UIMC1: variants seen among roughly 807,000 people sequenced by gnomAD.
UIMC1 encodes the protein BRCA1-A complex subunit RAP80.
Under a neutral mutation model 84.9 loss-of-function variants are expected in UIMC1, and 42 were observed. The observed-to-expected ratio is 0.49, with a 90% confidence interval of 0.39 to 0.64. The LOEUF is 0.64. Among genes scored for constraint, UIMC1 ranks in the 30% least tolerant of loss-of-function variants. The probability of loss-of-function intolerance (pLI) is 0.00; values close to 1 mark genes in which losing one functional copy is unlikely to be tolerated. For missense variants in UIMC1, 825 were observed against 847.6 expected (o/e 0.97, Z 0.33); for synonymous variants, 281 against 293.0 (o/e 0.96, Z 0.42).
chr5:176,907,912 A>C (rs1759605500), intron 12 of UIMC1, among the ~76,000 whole-genome samples: 1 of 152,250 alleles, frequency 6.6e-6, no homozygotes. Flanking sequence ...AGACTGATTA[A>C]TGTTTTAAAT....
chr5:176,976,999 G>A (rs1770181197), intron 2 of UIMC1, among the ~76,000 whole-genome samples: 1 of 152,080 alleles, frequency 6.6e-6, no homozygotes, highest in Non-Finnish European at 1.5e-5. Flanking sequence ...CAAGCAGGCG[G>A]ATCACCTGAG....
At chr5:176,934,471 C>T (rs1352368847) in intron 10 of UIMC1, among the ~76,000 whole-genome samples, 4 of 152,092 alleles carry the variant, frequency 2.6e-5, no homozygotes, top group African/African-American at 4.8e-5. Context: ...ATCTTGAAAC[C>T]GTGAATCAAG....
intron 2 of UIMC1, among the ~76,000 whole-genome samples, chr5:176,977,954 A>C (rs1222121081): frequency 6.6e-6 from 1 of 151,968 alleles, no homozygotes; most frequent in African/African-American, 2.4e-5. Flanking sequence ...CAAAACAAAA[A>C]CAAAAAACAA....
At chr5:177,000,371 ATTACG>A (rs1398557117) in intron 1 of UIMC1, among the ~76,000 whole-genome samples, 1 of 151,960 alleles carries the variant, frequency 6.6e-6, no homozygotes, top group African/African-American at 2.4e-5. Flanking sequence ...AGCATTTCCT[ATTACG>A]TGTTTTTGGA....
At chr5:176,980,624 CTGTT>C (rs1040129236) in intron 2 of UIMC1, among the ~76,000 whole-genome samples, 6 of 151,856 alleles carry the variant, frequency 4.0e-5, no homozygotes, top group African/African-American at 1.5e-4. Context: ...TCTTTCTAAA[CTGTT>C]ATGTTATGGC....
intron 1 of UIMC1, among the ~76,000 whole-genome samples, chr5:176,993,594 T>A (rs1773186104): frequency 6.6e-6 from 1 of 152,156 alleles, no homozygotes; most frequent in Non-Finnish European, 1.5e-5. Flanking sequence ...ACTTAAAGAC[T>A]TAAAGTCTAA....
intron 1 of UIMC1, among the ~76,000 whole-genome samples, chr5:176,996,411 G>GGT (rs1465817758): frequency 6.6e-6 from 1 of 152,116 alleles, no homozygotes; most frequent in Non-Finnish European, 1.5e-5. Flanking sequence ...GTCACTGAGT[G>GGT]GTGTTAAGTC....
rs1760601799 is a variant in UIMC1, at chr5:176,913,962, G to C, written c.1598-2573C>G. ...ACTGCACTCTAGCCTAGGTGACAGA[G>C]CTAGATCGTCTCAAAAAATTAATAC... On this transcript the variant is annotated intron_variant, in intron 10 of 14. Coordinates refer to ENST00000511320, the MANE Select transcript of UIMC1 (RefSeq NM_001199298.2). Among the ~76,000 whole-genome samples, 4 of 152,068 alleles carry C rather than the reference G, an allele frequency of 2.6e-5. No homozygotes were observed. In the South Asian group the frequency reaches 8.3e-4, roughly 31 times the overall value.
chr5:176,990,839 A>C (rs1170740926), intron 1 of UIMC1, among the ~76,000 whole-genome samples: 2 of 150,742 alleles, frequency 1.3e-5, no homozygotes, highest in South Asian at 4.2e-4. Context: ...ACACTCAGCT[A>C]ATTTTTTTTT....
intron 10 of UIMC1, among the ~76,000 whole-genome samples, chr5:176,926,528 T>C (rs1355897051): frequency 6.6e-6 from 1 of 151,962 alleles, no homozygotes; most frequent in Non-Finnish European, 1.5e-5. Flanking sequence ...TCCTAGCTAC[T>C]AGGGAGGCTG....
intron 1 of UIMC1, among the ~76,000 whole-genome samples, chr5:177,000,662 G>A (rs1359230927): frequency 7.3e-5 from 11 of 151,714 alleles, no homozygotes; most frequent in African/African-American, 1.9e-4. Context: ...CACCACGCCC[G>A]GCTAATTTTG....
intron 1 of UIMC1, among the ~76,000 whole-genome samples, chr5:176,987,884 C>T (rs972442073): frequency 2.0e-5 from 3 of 151,342 alleles, no homozygotes; most frequent in Non-Finnish European, 4.4e-5. Context: ...AATCCCAAAA[C>T]TCTGAGAGGC....
intron 10 of UIMC1, among the ~76,000 whole-genome samples, chr5:176,918,090 G>C (rs1761246265): frequency 6.6e-6 from 1 of 152,172 alleles, no homozygotes; most frequent in Admixed American, 6.5e-5. Context: ...GTTCCCATTG[G>C]ATAGTGCTGT....
At chr5:176,970,711 T>G (rs1212841147) in intron 4 of UIMC1, 31 bp downstream of exon 4, 1 of 1,613,638 alleles carries the variant, frequency 6.2e-7, no homozygotes, top group East Asian at 2.2e-5. Flanking sequence ...CTGATCAATC[T>G]CCACAAACTT....
At chr5:176,925,030 C>CA (rs749987567) in intron 10 of UIMC1, among the ~76,000 whole-genome samples, 3,125 of 52,500 alleles carry the variant, frequency 0.06, 56 homozygotes, top group African/African-American at 0.08. Context: ...GACTCTGCCT[C>CA]AAAAAAAAAA....
intron 1 of UIMC1, among the ~76,000 whole-genome samples, chr5:176,998,118 T>C (rs777490285): frequency 1.1e-4 from 17 of 152,120 alleles, no homozygotes; most frequent in Non-Finnish European, 2.2e-4. Flanking sequence ...CAATGGACTA[T>C]AGCCTTAAGG....
chr5:177,015,611 A>G (rs1226694446), intron 1 of UIMC1, among the ~76,000 whole-genome samples: 1 of 152,180 alleles, frequency 6.6e-6, no homozygotes, highest in Admixed American at 6.6e-5. Context: ...GTGGACTATA[A>G]TGGAGAAAAG....
Position 176,908,647 on chromosome 5 carries a change from T to C in UIMC1, c.1724A>G (p.Tyr575Cys), listed in dbSNP as rs1301109085. Residue 575 changes from tyrosine to cysteine, a missense_variant, in exon 12 of 15, where the codon TAT becomes TGT. Tyr to Cys is a radical substitution (Grantham distance 194). Transcript: ENST00000511320. ...LCKSLVPFREYQCHVDSCLQL... is the reference protein window; with the variant it reads ...LCKSLVPFRECQCHVDSCLQL... ...GAGACAGGAGTCCACATGACACTGA[T>C]ACTCTCTAAATGGGACCAGGGATTT... The C allele has an allele frequency of 6.2e-7, 1 of 1,614,238 alleles. No homozygotes were observed.
intron 6 of UIMC1, among the ~76,000 whole-genome samples, chr5:176,966,726 C>A (rs2149480126): frequency 6.6e-6 from 1 of 152,098 alleles, no homozygotes; most frequent in South Asian, 2.1e-4. Context: ...ATAAATTATT[C>A]AAAACCACTA....
Sources: allele counts gnomAD v4.1 joint callset (sites outside exome capture counted in the v4.1 genomes callset), GRCh38; gene constraint gnomAD v4.1.1; transcripts MANE v1.5; gene names NCBI Gene and HGNC (gene_info 2026-07-23, HGNC 2026-07-21).